PCDHA8: variants seen among roughly 807,000 people sequenced by gnomAD.
PCDHA8 encodes the protein protocadherin alpha 8, also known as protocadherin alpha-8.
A neutral mutation model predicts 61.8 loss-of-function variants in PCDHA8; 53 were observed. That is an observed-to-expected ratio of 0.86 (90% CI 0.69 to 1.08). The LOEUF is 1.08. Among genes scored for constraint, PCDHA8 ranks in the 50% least tolerant of loss-of-function variants. The pLI is 0.00. For missense variants in PCDHA8, 1,293 were observed against 1,245.0 expected (o/e 1.04, Z -0.58); for synonymous variants, 618 against 556.6 (o/e 1.11, Z -1.55).
chr5:140,939,037 T>C (rs1295630675), intron 1 of PCDHA8, among the ~76,000 whole-genome samples: 2 of 152,212 alleles, frequency 1.3e-5, no homozygotes, highest in African/African-American at 4.8e-5. Context: ...TCGGAAGAGT[T>C]GTCTTAGTCC....
chr5:140,863,274 G>A, intron 1 of PCDHA8: 1 of 1,461,698 alleles, frequency 6.8e-7, no homozygotes. Flanking sequence ...CAGCGCTGGT[G>A]GATGTCAACG....
rs541589842 is a variant in PCDHA8, at chr5:140,964,001, A to G, written c.2395-14948A>G. Reference sequence around the variant, plus strand: ...TCTATATTCCTAATTACTGTGTTCTACTTTTTAATAGAGAGCTCTTGAAGG... The same window carrying G: ...TCTATATTCCTAATTACTGTGTTCTGCTTTTTAATAGAGAGCTCTTGAAGG... On this transcript the variant is annotated intron_variant, in intron 1 of 3. Transcript: ENST00000531613. Among the ~76,000 whole-genome samples the G allele has an allele frequency of 9.2e-5, 14 of 152,286 alleles. No homozygotes were observed. The South Asian group carries it at 2.7e-3, about 29-fold the overall frequency.
At chr5:140,899,714 T>C (rs1554188719) in intron 1 of PCDHA8, among the ~76,000 whole-genome samples, 1 of 152,242 alleles carries the variant, frequency 6.6e-6, no homozygotes, top group African/African-American at 2.4e-5. Context: ...TAGGGAGGAT[T>C]CCCTCTTTTT....
At position 140,848,366 on chromosome 5, in the gene PCDHA8, G is replaced by A. The variant is rs2150409597; in HGVS notation, c.2394+4651G>A. ...TACAGCCCTTTTCCCATGGGAAAGA[G>A]GCTCAATTCTTTTTCACTCTCTCTG... On this transcript the variant is annotated intron_variant, in intron 1 of 3. Transcript: ENST00000531613. 4.6e-5 allele frequency: 50 copies of A among 1,096,168 alleles called. 2 individuals are homozygous for A. The highest frequency in any genetic ancestry group is 2.3e-5 in the Admixed American group (1 of 42,774). The allele number at this position is 1,096,168 out of a possible 1,614,324, so 67.9% of individuals were successfully genotyped here.
In PCDHA8 at chr5:140,884,535, C is replaced by A. The variant is rs142468733; in HGVS notation, c.2394+40820C>A. 15 of 1,614,034 alleles carry A rather than the reference C, an allele frequency of 9.3e-6. No individual in the cohort carries two copies. The South Asian group carries it at 1.5e-4, about 17-fold the overall frequency. ...TGGTCGTACTCGCAGCAGAGGCGGCCGAGGGTGTGCTCTGGGGAGGGCCCG... is the reference window on the plus strand; with the variant it reads ...TGGTCGTACTCGCAGCAGAGGCGGCAGAGGGTGTGCTCTGGGGAGGGCCCG... On this transcript the variant is annotated intron_variant, in intron 1 of 3. Transcript: ENST00000531613.
chr5:140,968,802 C>T, intron 1 of PCDHA8: 1 of 1,614,218 alleles, frequency 6.2e-7, no homozygotes. Flanking sequence ...ATTACAGTAG[C>T]TGTGGTGGAT....
intron 2 of PCDHA8, among the ~76,000 whole-genome samples, chr5:140,980,561 C>T (rs1430874214): frequency 6.6e-6 from 1 of 151,974 alleles, no homozygotes; most frequent in Admixed American, 6.6e-5. Context: ...ACCCGGGAGG[C>T]GGAAGTTGCA....
In PCDHA8 at chr5:140,927,607, C is replaced by G. The variant is rs558609705; in HGVS notation, c.2395-51342C>G. On this transcript the variant is annotated intron_variant, in intron 1 of 3. Transcript: ENST00000531613. ...GCCTGTATTTGAGCGCTCCGTATACCGCACCAAGGTTCCAGAGACTGCACC... is the reference window on the plus strand; with the variant it reads ...GCCTGTATTTGAGCGCTCCGTATACGGCACCAAGGTTCCAGAGACTGCACC... 1.5e-5 allele frequency: 24 copies of G among 1,614,180 alleles called. 1 individual carries two copies. In the South Asian group the frequency reaches 2.6e-4, roughly 18 times the overall value.
In PCDHA8 at chr5:140,877,150, G is replaced by T. The variant is rs370292278; in HGVS notation, c.2394+33435G>T. On this transcript the variant is annotated intron_variant, in intron 1 of 3. Coordinates refer to ENST00000531613, the MANE Select transcript of PCDHA8 (RefSeq NM_018911.3). Reference sequence around the variant, plus strand: ...GCAGGTGTTCGTGCTGGACGAGAACGACAACGCGCCGGCACTGCTGGCGAC... The same window carrying T: ...GCAGGTGTTCGTGCTGGACGAGAACTACAACGCGCCGGCACTGCTGGCGAC... 1.7e-5 allele frequency: 27 copies of T among 1,613,672 alleles called. No homozygotes were observed. Among genetic ancestry groups the T allele is most frequent in the Non-Finnish European group, 2.2e-5 (26 of 1,179,864 alleles).
chr5:140,939,028 C>T (rs1231920381), intron 1 of PCDHA8, among the ~76,000 whole-genome samples: 6 of 152,098 alleles, frequency 3.9e-5, no homozygotes, highest in East Asian at 1.9e-4. Context: ...TTTACTTATT[C>T]GGAAGAGTTG....
At chr5:140,845,144 C>T (rs2150376784) in intron 1 of PCDHA8, among the ~76,000 whole-genome samples, 2 of 149,524 alleles carry the variant, frequency 1.3e-5, no homozygotes, top group Non-Finnish European at 3.0e-5. Context: ...TATTTGAACA[C>T]ATTGTGTAAA....
chr5:140,857,331 A>G lies in PCDHA8; in HGVS notation c.2394+13616A>G, dbSNP rs1554149861. 4 of 1,598,402 alleles carry G rather than the reference A, an allele frequency of 2.5e-6. No homozygotes were observed. Among genetic ancestry groups the G allele is most frequent in the African/African-American group, 1.3e-5 (1 of 74,458 alleles). On this transcript the variant is annotated intron_variant, in intron 1 of 3. Coordinates refer to ENST00000531613, the MANE Select transcript of PCDHA8 (RefSeq NM_018911.3). ...TATGAGCTGGTGGTGACCGCGCGGG[A>G]CGGGGGCTCGCCTCCGCTGTGGGCC...
chr5:140,999,568 G>A (rs1554256885), intron 3 of PCDHA8, among the ~76,000 whole-genome samples: 1 of 152,084 alleles, frequency 6.6e-6, no homozygotes, highest in Non-Finnish European at 1.5e-5. Context: ...TTTGAGAAGA[G>A]ACTATAAAGG....
intron 1 of PCDHA8, chr5:140,869,449 G>C (rs1562628506): frequency 9.3e-6 from 15 of 1,614,196 alleles, no homozygotes; most frequent in Non-Finnish European, 1.3e-5. Context: ...GCCGCTGCAG[G>C]TTTTCCATGT....
Position 140,934,368 on chromosome 5 carries a change from CCTT to C in PCDHA8, c.2395-44578_2395-44576del, listed in dbSNP as rs1168343483. Among the ~76,000 whole-genome samples, 5 of 152,220 alleles carry C rather than the reference CCTT, an allele frequency of 3.3e-5. No homozygotes were observed. In the South Asian group the frequency reaches 1.0e-3, roughly 32 times the overall value. On this transcript the variant is annotated intron_variant, in intron 1 of 3. Transcript: ENST00000531613. ...ACAGTGTGGAGCCACTGCTTTGACT[CCTT>C]CTGTGGTTCTATGGTGGCCAGCTTT...
At chr5:140,843,830 T>C (rs2150193091) in intron 1 of PCDHA8, 115 bp downstream of exon 1, 2 of 1,116,788 alleles carry the variant, frequency 1.8e-6, no homozygotes, top group East Asian at 2.4e-5. Flanking sequence ...TTAAACATTG[T>C]TTAGTTTTTA....
At position 140,967,577 on chromosome 5, in the gene PCDHA8, C is replaced by T. The variant is rs141338011; in HGVS notation, c.2395-11372C>T. Reference sequence around the variant, plus strand: ...TCGCGTCCAGCTACGGGAGGACTCACCCCCAGGCACATTGGTGGTGAAGCT... The same window carrying T: ...TCGCGTCCAGCTACGGGAGGACTCATCCCCAGGCACATTGGTGGTGAAGCT... On this transcript the variant is annotated intron_variant, in intron 1 of 3. Transcript: ENST00000531613. 11 of 1,614,016 alleles carry T rather than the reference C, an allele frequency of 6.8e-6. No homozygotes were observed. Among genetic ancestry groups the T allele is most frequent in the African/African-American group, 4.0e-5 (3 of 74,938 alleles).
chr5:140,841,796 G>A lies in PCDHA8; in HGVS notation c.475G>A (p.Asp159Asn). 1.2e-6 allele frequency: 2 copies of A among 1,613,920 alleles called. No homozygotes were observed. The highest frequency in any genetic ancestry group is 8.5e-7 in the Non-Finnish European group (1 of 1,179,866). ...DSRFPLEGAS[D>N]ADVGANSVLT... Reference sequence around the variant, plus strand: ...TCGGTTTCCGCTAGAGGGCGCGTCCGATGCAGATGTTGGAGCTAACTCCGT... The same window carrying A: ...TCGGTTTCCGCTAGAGGGCGCGTCCAATGCAGATGTTGGAGCTAACTCCGT... The change falls in exon 1 of 4, where the codon GAT becomes AAT. Residue 159 changes from aspartate (D) to asparagine (N), a missense_variant. Physicochemically the swap from Asp to Asn is conservative, Grantham distance 23 (BLOSUM62 1). Coordinates refer to ENST00000531613, the MANE Select transcript of PCDHA8 (RefSeq NM_018911.3).
At chr5:140,945,628 A>G (rs898111170) in intron 1 of PCDHA8, among the ~76,000 whole-genome samples, 1 of 152,168 alleles carries the variant, frequency 6.6e-6, no homozygotes, top group Non-Finnish European at 1.5e-5. Flanking sequence ...TACTGGCATA[A>G]AAGACATGTA....
Sources: gnomAD v4.1 joint callset for allele counts (sites outside exome capture counted in the v4.1 genomes callset) on GRCh38, gnomAD v4.1.1 for gene constraint, MANE v1.5 for transcripts, NCBI Gene and HGNC (gene_info 2026-07-23, HGNC 2026-07-21) for gene names.